PKHD1L1: variants seen among roughly 807,000 people sequenced by gnomAD.
PKHD1L1 encodes the protein fibrocystin-L.
PKHD1L1 carries 434 observed loss-of-function variants against 462.9 expected under a neutral mutation model. The observed-to-expected ratio is 0.94, with a 90% CI of 0.87 to 1.02. PKHD1L1 has a LOEUF of 1.02. Ranked by LOEUF, PKHD1L1 falls within the 50% of genes least tolerant of loss-of-function variation. The pLI, the probability that PKHD1L1 is intolerant of heterozygous loss-of-function variation, is 0.00. For missense variants in PKHD1L1, 5,202 were observed against 5,096.1 expected (o/e 1.02, Z -0.63); for synonymous variants, 1,781 against 1,750.0 (o/e 1.02, Z -0.44).
At chr8:109,392,787 T>C (rs1033205634) in intron 9 of PKHD1L1, among the ~76,000 whole-genome samples, 21 of 152,170 alleles carry the variant, frequency 1.4e-4, no homozygotes, top group Non-Finnish European at 2.9e-5. Context: ...TTCATGAGCA[T>C]TGTTGAATAT....
At chr8:109,476,484 A>T in intron 51 of PKHD1L1, 24 bp from the exon 52 acceptor site, 1 of 1,363,084 alleles carries the variant, frequency 7.3e-7, no homozygotes, top group South Asian at 1.4e-5. Flanking sequence ...CATACAAGTC[A>T]CATTTTTCTA....
chr8:109,522,624 GCATATTGAA>G, intron 74 of PKHD1L1, 111 bp from the exon 75 acceptor site: 2 of 1,037,304 alleles, frequency 1.9e-6, no homozygotes, highest in Non-Finnish European at 2.7e-6. Flanking sequence ...TATTAATTTT[GCATATTGAA>G]CATATTCCAA....
rs1474973521 is a variant in PKHD1L1, at chr8:109,394,450, C to T, written c.776C>T (p.Ser259Phe). The stretch of plus-strand genomic sequence containing the variant: ...CAGAAAATGGCATATTTTGTTTCTT[C>T]TCTCAATAAAATTGCAATGTTTCAA... Reference protein sequence around the residue: ...FPQKMAYFVSSLNKIAMFQTY... With the variant: ...FPQKMAYFVSFLNKIAMFQTY... Residue 259 changes from serine (S) to phenylalanine (F), a missense_variant, in exon 10 of 78, where the codon TCT becomes TTT. Ser to Phe is a radical substitution (Grantham distance 155, BLOSUM62 -2). This residue lies in a region of PKHD1L1 where 4,497 missense variants were observed against 4,336.8 expected (regional missense o/e 1.04). Transcript: ENST00000378402. 1 of 1,528,992 alleles carries T rather than the reference C, an allele frequency of 6.5e-7. No individual in the cohort carries two copies. Among genetic ancestry groups the T allele is most frequent in the Non-Finnish European group, 8.8e-7 (1 of 1,133,606 alleles). The allele number at this position is 1,528,992 out of a possible 1,614,324, so 94.7% of individuals were successfully genotyped here.
intron 2 of PKHD1L1, among the ~76,000 whole-genome samples, chr8:109,368,913 G>A (rs987771595): frequency 1.3e-5 from 2 of 151,926 alleles, no homozygotes; most frequent in African/African-American, 4.8e-5. Flanking sequence ...AGCCTTTCCT[G>A]TAATCTTTGT....
chr8:109,452,616 A>C (rs1816595109), intron 42 of PKHD1L1, 102 bp from the exon 43 acceptor site: 3 of 575,454 alleles, frequency 5.2e-6, no homozygotes, highest in Non-Finnish European at 7.4e-6. Flanking sequence ...TTTACTATAT[A>C]ATATAAATAT....
At chr8:109,382,325 C>G in intron 3 of PKHD1L1, 138 bp from the exon 4 acceptor site, 1 of 578,238 alleles carries the variant, frequency 1.7e-6, no homozygotes, top group Non-Finnish European at 2.8e-6. Context: ...TAGAATGGAA[C>G]TTAACTAGAC....
chr8:109,444,681 CT>C lies in PKHD1L1; in HGVS notation c.4813del (p.Cys1605ValfsTer3), dbSNP rs1816015544. ...TACAGGTTACAATTGGTAGCTACCC[CT>C]GTGTCGTAGAAGAAAGTAGTGAGGA... ...ANKVTIGSYP[C>X]VVEESSEDSI... On this transcript the variant is annotated frameshift_variant, in exon 38 of 78. Coordinates refer to ENST00000378402, the MANE Select transcript of PKHD1L1 (RefSeq NM_177531.6). LOFTEE classifies it high-confidence loss of function. The C allele has an allele frequency of 5.6e-6, 9 of 1,613,200 alleles. No homozygotes were observed. The highest frequency in any genetic ancestry group is 6.8e-6 in the Non-Finnish European group (8 of 1,179,442).
In PKHD1L1 at chr8:109,441,309, A is replaced by C; in HGVS notation, c.4134A>C (p.Glu1378Asp). The change falls in exon 34 of 78, where the codon GAA (glutamate) becomes GAC (aspartate). Residue 1378 changes from glutamate (E) to aspartate (D), a missense_variant. Glu to Asp is a conservative substitution (Grantham distance 45). Transcript: ENST00000378402. ...SIPCNVTSSS[E>D]NVIKCILHST... ...CTTGCAATGTTACATCATCATCAGA[A>C]AATGTCATAAAATGTATTCTTCATT... 2 of 1,587,126 alleles carry C rather than the reference A, an allele frequency of 1.3e-6. No homozygotes were observed. Among genetic ancestry groups the C allele is most frequent in the Non-Finnish European group, 1.7e-6 (2 of 1,162,122 alleles).
chr8:109,405,192 A>G lies in PKHD1L1; in HGVS notation c.1669+62A>G, dbSNP rs560254491. ...TCATGTATAGATGTAGTCATAAAGTATTTGCTGTAGTCAAATTACACTGTC... is the reference window on the plus strand; with the variant it reads ...TCATGTATAGATGTAGTCATAAAGTGTTTGCTGTAGTCAAATTACACTGTC... On this transcript the variant is annotated intron_variant, in intron 16 of 77. Coordinates refer to ENST00000378402, the MANE Select transcript of PKHD1L1 (RefSeq NM_177531.6). The G allele has an allele frequency of 2.6e-5, 27 of 1,054,734 alleles. 1 individual carries two copies. The highest frequency in any genetic ancestry group is 6.3e-4 in the Middle Eastern group (2 of 3,184). 65.3% of individuals were successfully genotyped at this position (1,054,734 alleles called of 1,614,324 possible).
At chr8:109,528,432 T>G (rs1354302568) in intron 77 of PKHD1L1, among the ~76,000 whole-genome samples, 1 of 152,182 alleles carries the variant, frequency 6.6e-6, no homozygotes, top group Non-Finnish European at 1.5e-5. Flanking sequence ...GCAAAAAATA[T>G]AATCAACATC....
At chr8:109,408,640 G>A (rs1482378452) in intron 18 of PKHD1L1, among the ~76,000 whole-genome samples, 1 of 152,140 alleles carries the variant, frequency 6.6e-6, no homozygotes. Context: ...ATACATCAGA[G>A]AGAAATTTTA....
intron 10 of PKHD1L1, among the ~76,000 whole-genome samples, chr8:109,395,655 A>G (rs1812933058): frequency 2.0e-5 from 3 of 152,222 alleles, no homozygotes; most frequent in Non-Finnish European, 4.4e-5. Flanking sequence ...AGAAAATTAT[A>G]AGAGGTTGGT....
Position 109,429,361 on chromosome 8 carries a change from G to C in PKHD1L1, c.3022G>C (p.Gly1008Arg). The change falls in exon 26 of 78, where the codon GGA becomes CGA. Residue 1008 changes from glycine (G) to arginine (R), a missense_variant. Physicochemically the swap from Gly to Arg is moderately radical, Grantham distance 125. Around this residue, in one of 3 missense-constraint regions of PKHD1L1, gnomAD observed 4,497 missense variants for 4,336.8 expected, o/e 1.04. Coordinates refer to ENST00000378402, the MANE Select transcript of PKHD1L1 (RefSeq NM_177531.6). ...ATAGATTAATGATTCCAACATTATT[G>C]GAGAAAAGGCTAATATGACAGTTAC... Reference protein sequence around the residue: ...LLQINDSNIIGEKANMTVTRI... With the variant: ...LLQINDSNIIREKANMTVTRI... The C allele has an allele frequency of 6.5e-7, 1 of 1,533,388 alleles. No individual in the cohort carries two copies. Among genetic ancestry groups the C allele is most frequent in the Non-Finnish European group, 8.9e-7 (1 of 1,120,174 alleles). 95.0% of individuals were successfully genotyped at this position (1,533,388 alleles called of 1,614,324 possible).
intron 67 of PKHD1L1, among the ~76,000 whole-genome samples, chr8:109,503,046 C>T (rs1819506593): frequency 6.6e-6 from 1 of 152,206 alleles, no homozygotes; most frequent in African/African-American, 2.4e-5. Context: ...TGGCTCACGC[C>T]TGTAGTTCCA....
chr8:109,412,519 T>G, intron 20 of PKHD1L1, 105 bp downstream of exon 20: 1 of 1,229,528 alleles, frequency 8.1e-7, no homozygotes, highest in East Asian at 2.6e-5. Flanking sequence ...ATAAATAGTA[T>G]GTCATATTGT....
intron 57 of PKHD1L1, among the ~76,000 whole-genome samples, chr8:109,484,553 G>A (rs1167151413): frequency 6.6e-6 from 1 of 151,952 alleles, no homozygotes; most frequent in African/African-American, 2.4e-5. Flanking sequence ...GGGTACATCT[G>A]AGCAGAGATT....
At chr8:109,505,430 C>T (rs1193981284) in intron 68 of PKHD1L1, among the ~76,000 whole-genome samples, 3 of 152,008 alleles carry the variant, frequency 2.0e-5, no homozygotes, top group East Asian at 3.9e-4. Context: ...TTTCCAGAAG[C>T]GATCATTTAG....
chr8:109,445,219 G>C lies in PKHD1L1; in HGVS notation c.5350G>C (p.Gly1784Arg). 6.2e-7 allele frequency: 1 copy of C among 1,613,912 alleles called. No homozygotes were observed. Among genetic ancestry groups the C allele is most frequent in the Non-Finnish European group, 8.5e-7 (1 of 1,179,880 alleles). The change falls in exon 38 of 78, where the codon GGA (glycine) becomes CGA (arginine). Residue 1784 changes from glycine (G) to arginine (R), a missense_variant. Gly to Arg is a moderately radical substitution (Grantham distance 125). Around this residue, in one of 3 missense-constraint regions of PKHD1L1, gnomAD observed 4,497 missense variants for 4,336.8 expected, o/e 1.04. Transcript: ENST00000378402. ...TVLEDIAVFI[G>R]NQQFRAIEVN... ...TTTGGAGGACATTGCTGTTTTCATTGGAAATCAACAGTTCAGAGCAATAGA... is the reference window on the plus strand; with the variant it reads ...TTTGGAGGACATTGCTGTTTTCATTCGAAATCAACAGTTCAGAGCAATAGA...
intron 23 of PKHD1L1, among the ~76,000 whole-genome samples, chr8:109,422,297 A>C (rs1814514263): frequency 6.6e-6 from 1 of 152,064 alleles, no homozygotes; most frequent in East Asian, 1.9e-4. Flanking sequence ...CCACCACCAG[A>C]ACAGTTCTAT....
Sources: gnomAD v4.1 joint callset for allele counts (sites outside exome capture counted in the v4.1 genomes callset) on GRCh38, gnomAD v4.1.1 for gene constraint, gnomAD v4.1.1 regional missense constraint, MANE v1.5 for transcripts, NCBI Gene and HGNC (gene_info 2026-07-23, HGNC 2026-07-21) for gene names.